Variants in SBF2 observed in about 807,000 individuals in gnomAD.
SBF2 encodes the protein SET binding factor 2.
A neutral mutation model predicts 225.2 loss-of-function variants in SBF2; 112 were observed. The observed-to-expected ratio is 0.50, with a 90% confidence interval of 0.43 to 0.58. The LOEUF (loss-of-function observed/expected upper bound fraction) is 0.58, where lower values mean the gene tolerates loss of function less well. Ranked by LOEUF, SBF2 falls within the 20% of genes least tolerant of loss-of-function variation. The pLI, the probability that SBF2 is intolerant of heterozygous loss-of-function variation, is 0.00. For synonymous variants in SBF2, 763 were observed against 773.3 expected (o/e 0.99, Z 0.22); for missense variants, 1,996 against 2,206.2 (o/e 0.90, Z 1.91).
At chr11:10,233,851 G>A (rs1035527888) in intron 1 of SBF2, among the ~76,000 whole-genome samples, 2 of 152,132 alleles carry the variant, frequency 1.3e-5, no homozygotes, top group African/African-American at 2.4e-5. Context: ...GGACTCCTTC[G>A]ATATACAATC....
chr11:9,981,487 G>A (rs369334492), intron 13 of SBF2, among the ~76,000 whole-genome samples: 47 of 152,042 alleles, frequency 3.1e-4, no homozygotes, highest in Admixed American at 2.0e-3. Flanking sequence ...GTTTGAAATC[G>A]GCAAAAACAA....
At chr11:9,915,547 T>C (rs1863011975) in intron 16 of SBF2, 1 of 152,014 alleles carries the variant, frequency 6.6e-6, no homozygotes. Flanking sequence ...ACATTAATAA[T>C]TTGTACAGTT....
Position 9,789,348 on chromosome 11 carries a change from A to G in SBF2, c.4699-6T>C. 6.2e-7 allele frequency: 1 copy of G among 1,606,618 alleles called. No individual in the cohort carries two copies. Among genetic ancestry groups the G allele is most frequent in the Non-Finnish European group, 8.5e-7 (1 of 1,173,224 alleles). On this transcript the variant is annotated splice_polypyrimidine_tract_variant and splice_region_variant and intron_variant, in intron 34 of 39. Transcript: ENST00000256190. ...TTTACATTGGGCTTTAGAGCCTGTTAAAGAAAACAGAAATATAGTTTCATC... is the reference window on the plus strand; with the variant it reads ...TTTACATTGGGCTTTAGAGCCTGTTGAAGAAAACAGAAATATAGTTTCATC...
At chr11:10,109,725 G>A (rs1952745066) in intron 2 of SBF2, among the ~76,000 whole-genome samples, 5 of 152,162 alleles carry the variant, frequency 3.3e-5, no homozygotes, top group Admixed American at 3.3e-4. Context: ...CATGTTTCTA[G>A]TAAGGATTAT....
chr11:9,825,982 A>AT (rs1251239914), intron 28 of SBF2, among the ~76,000 whole-genome samples: 1 of 152,136 alleles, frequency 6.6e-6, no homozygotes, highest in Non-Finnish European at 1.5e-5. Context: ...CTTGTTCAAC[A>AT]TTTTTTTAAA....
chr11:9,877,021 G>A (rs1303404307), intron 17 of SBF2, among the ~76,000 whole-genome samples: 1 of 152,188 alleles, frequency 6.6e-6, no homozygotes, highest in Non-Finnish European at 1.5e-5. Flanking sequence ...TTACAGGCGT[G>A]AGCCACTATG....
At position 10,234,988 on chromosome 11, in the gene SBF2, C is replaced by G. The variant is rs980804156; in HGVS notation, c.56-41001G>C. Among the ~76,000 whole-genome samples, 3 of 152,086 alleles carry G rather than the reference C, an allele frequency of 2.0e-5. No individual in the cohort carries two copies. The East Asian group carries it at 5.8e-4, about 29-fold the overall frequency. ...AAAATTAGTTACATGGCACTTCCTA[C>G]GTACAAAGAGAACTACACAGGGTTT... On this transcript the variant is annotated intron_variant, in intron 1 of 39. Transcript: ENST00000256190.
intron 3 of SBF2, among the ~76,000 whole-genome samples, chr11:10,042,608 C>T (rs1949694881): frequency 6.6e-6 from 1 of 152,104 alleles, no homozygotes; most frequent in South Asian, 2.1e-4. Flanking sequence ...TTCAAGGATG[C>T]ACTATTTTTA....
intron 2 of SBF2, among the ~76,000 whole-genome samples, chr11:10,177,374 T>C (rs1956515712): frequency 1.4e-5 from 2 of 145,136 alleles, no homozygotes; most frequent in African/African-American, 5.1e-5. Flanking sequence ...ATAAAGGCTA[T>C]TCAATTAGGA....
chr11:10,195,201 A>G (rs1382327667), intron 1 of SBF2, among the ~76,000 whole-genome samples: 1 of 152,134 alleles, frequency 6.6e-6, no homozygotes, highest in Admixed American at 6.5e-5. Context: ...CCTAGTCTCA[A>G]TTCCTAGATT....
At chr11:10,023,006 G>A (rs1387244174) in intron 6 of SBF2, among the ~76,000 whole-genome samples, 1 of 151,982 alleles carries the variant, frequency 6.6e-6, no homozygotes, top group African/African-American at 2.4e-5. Context: ...TTCTTTCTGT[G>A]GTAACAGCTG....
intron 18 of SBF2, among the ~76,000 whole-genome samples, chr11:9,857,610 G>T (rs1857417096): frequency 1.3e-5 from 2 of 152,142 alleles, no homozygotes; most frequent in Non-Finnish European, 2.9e-5. Flanking sequence ...CATTTTACCA[G>T]TGAAGATATA....
intron 17 of SBF2, among the ~76,000 whole-genome samples, chr11:9,890,392 CTA>C (rs1248694359): frequency 2.0e-5 from 3 of 152,178 alleles, no homozygotes; most frequent in Admixed American, 2.0e-4. Context: ...TTTTGAATGG[CTA>C]GATACTAGAA....
At chr11:9,812,742 A>T (rs371922482) in intron 29 of SBF2, 34 bp from the exon 30 acceptor site, 184 of 1,607,308 alleles carry the variant, frequency 1.1e-4, no homozygotes, top group Non-Finnish European at 1.5e-4. Flanking sequence ...TAGGCAGATG[A>T]AGTGCTATAG....
intron 16 of SBF2, chr11:9,961,716 A>C (rs1323999453): frequency 1.7e-5 from 7 of 416,424 alleles, no homozygotes; most frequent in East Asian, 4.3e-5. Flanking sequence ...GAACTTGCTT[A>C]TATTACAGAA....
chr11:10,156,247 C>A (rs1483099362), intron 2 of SBF2, among the ~76,000 whole-genome samples: 1 of 152,206 alleles, frequency 6.6e-6, no homozygotes, highest in Non-Finnish European at 1.5e-5. Context: ...GACATGACAG[C>A]CCTTTGCTGA....
intron 32 of SBF2, among the ~76,000 whole-genome samples, chr11:9,805,672 C>G (rs192488527): frequency 2.0e-5 from 3 of 152,156 alleles, no homozygotes; most frequent in East Asian, 1.9e-4. Flanking sequence ...TCCCAGGCTG[C>G]AGTGCAGTGG....
chr11:9,845,385 C>T (rs1023463054), intron 24 of SBF2, among the ~76,000 whole-genome samples, 180 bp downstream of exon 24: 1 of 152,202 alleles, frequency 6.6e-6, no homozygotes, highest in Admixed American at 6.5e-5. Flanking sequence ...GTTTTTGAAA[C>T]TTGCTACATT....
intron 2 of SBF2, among the ~76,000 whole-genome samples, chr11:10,074,914 G>T (rs868664756): frequency 6.6e-6 from 1 of 152,168 alleles, no homozygotes; most frequent in Non-Finnish European, 1.5e-5. Flanking sequence ...TGTCTGGAAT[G>T]GTTAAGATAT....
Sources: allele counts gnomAD v4.1 joint callset (sites outside exome capture counted in the v4.1 genomes callset), GRCh38; gene constraint gnomAD v4.1.1; transcripts MANE v1.5; gene names NCBI Gene and HGNC (gene_info 2026-07-23, HGNC 2026-07-21).